The following MAP3K15 variants were observed in gnomAD, a reference collection of about 807,000 sequenced individuals.
MAP3K15 encodes mitogen-activated protein kinase kinase kinase 15.
A neutral mutation model predicts 99.5 loss-of-function variants in MAP3K15; 124 were observed. That is an observed-to-expected ratio of 1.25 (90% CI 1.08 to 1.45). The LOEUF (loss-of-function observed/expected upper bound fraction) is 1.45. Among genes scored for constraint, MAP3K15 ranks in the 40% most tolerant of loss-of-function variants. The pLI, the probability that MAP3K15 is intolerant of heterozygous loss-of-function variation, is 0.00. For missense variants in MAP3K15, 1,242 were observed against 1,079.7 expected, an observed-to-expected ratio of 1.15 and a Z score of -2.11; for synonymous variants, 494 against 439.6, an observed-to-expected ratio of 1.12 and a Z score of -1.55.
rs764801500 is a variant in MAP3K15 at position 19,360,062 on chromosome X, A to AAGAT, written c.*683_*686dup. ...CTGTTCGCGCTGACCATTTCTCTAC[A>AAGAT]AGATACAATATTTATTATCAGGCAA... On this transcript the variant is annotated 3_prime_UTR_variant, in exon 29 of 29. Coordinates refer to ENST00000338883, the MANE Select transcript of MAP3K15 (RefSeq NM_001001671.4). 2.1e-4 allele frequency: 43 copies of AAGAT among 200,680 alleles called. No individual in the cohort carries two copies. Among genetic ancestry groups the AAGAT allele is most frequent in the South Asian group, 1.3e-3 (17 of 13,020 alleles). 16.5% of individuals were successfully genotyped at this position (200,680 alleles called of 1,213,427 possible). A position where few individuals can be genotyped will look rare whatever the true frequency, so the allele number is the denominator to read the frequency against.
chrX:19,418,954 G>A (rs1395206817), intron 9 of MAP3K15, among the ~76,000 whole-genome samples: 1 of 111,436 alleles, frequency 9.0e-6, no homozygotes, highest in Non-Finnish European at 1.9e-5. Flanking sequence ...CATAAGTGAA[G>A]GAGAAATAAA....
Position 19,395,158 on chromosome X carries a change from T to C in MAP3K15, c.2117A>G (p.His706Arg). ...GCCCAGGTACTGAACGATATTGCGGTGCTTAAGGTACTTGTGCAGGGCTAT... is the reference window on the plus strand; with the variant it reads ...GCCCAGGTACTGAACGATATTGCGGCGCTTAAGGTACTTGTGCAGGGCTAT... ...EEIALHKYLK[H>R]RNIVQYLGSV... Residue 706 changes from histidine (H) to arginine (R), a missense_variant, in exon 16 of 29, where the codon CAC becomes CGC. By Grantham distance (29) the His-to-Arg change is conservative. Coordinates refer to ENST00000338883, the MANE Select transcript of MAP3K15 (RefSeq NM_001001671.4). The C allele has an allele frequency of 8.3e-7, 1 of 1,209,056 alleles. No homozygotes were observed. The highest frequency in any genetic ancestry group is 1.1e-6 in the Non-Finnish European group (1 of 893,969).
At chrX:19,480,526 G>A (rs1326887361) in intron 3 of MAP3K15, among the ~76,000 whole-genome samples, 1 of 108,431 alleles carries the variant, frequency 9.2e-6, no homozygotes, top group South Asian at 4.0e-4. Context: ...AAAAAGGGCC[G>A]GGTGCGGGCC....
chrX:19,373,124 G>C (rs1479052571), intron 21 of MAP3K15: 6 of 240,913 alleles, frequency 2.5e-5, no homozygotes, highest in Admixed American at 6.9e-5. Flanking sequence ...GGGAAGGTGA[G>C]GGGGACAGGG....
intron 1 of MAP3K15, among the ~76,000 whole-genome samples, chrX:19,507,575 CAAAAAAAAAAAAAA>C (rs1165492097): frequency 0.01 from 111 of 10,892 alleles, 1 homozygote; most frequent in Middle Eastern, 1. Context: ...CACCTTGTCT[CAAAAAAAAAAAAAA>C]AAAAAAAAAA....
chrX:19,479,748 G>C (rs962372112), intron 3 of MAP3K15, among the ~76,000 whole-genome samples: 1 of 112,107 alleles, frequency 8.9e-6, no homozygotes, highest in Non-Finnish European at 1.9e-5. Flanking sequence ...AGACAGCCTT[G>C]ATCTGTCACC....
rs749609056 is a variant in MAP3K15, at chrX:19,502,576, T to TG, written c.361+12324dup. On this transcript the variant is annotated intron_variant, in intron 1 of 28. Coordinates refer to ENST00000338883, the MANE Select transcript of MAP3K15 (RefSeq NM_001001671.4). ...GCTCACACCTGTAATCCCAACACTT[T>TG]GGGGGGCCATGGCAGGTGGATCACT... Among the ~76,000 whole-genome samples the TG allele has an allele frequency of 3.5e-3, 396 of 111,873 alleles. 5 individuals are homozygous for TG. The highest frequency in any genetic ancestry group is 0.012 in the African/African-American group (373 of 30,776).
intron 6 of MAP3K15, among the ~76,000 whole-genome samples, chrX:19,449,645 C>T (rs762737746): frequency 9.2e-6 from 1 of 108,574 alleles, no homozygotes; most frequent in Non-Finnish European, 1.9e-5. Context: ...ATCAATAGTG[C>T]CAAGGTGAAG....
chrX:19,465,516 C>T (rs1252227625), intron 3 of MAP3K15, among the ~76,000 whole-genome samples: 5 of 105,025 alleles, frequency 4.8e-5, no homozygotes, highest in Non-Finnish European at 9.7e-5. Flanking sequence ...AAGGCAGAGG[C>T]GAGTGGATTA....
intron 19 of MAP3K15, among the ~76,000 whole-genome samples, chrX:19,378,012 C>G (rs1434050678): frequency 8.9e-6 from 1 of 112,214 alleles, no homozygotes; most frequent in Non-Finnish European, 1.9e-5. Flanking sequence ...CCAAGGCACC[C>G]AAGCAGGCAG....
At chrX:19,459,273 CTCA>C (rs1295637425) in intron 5 of MAP3K15, among the ~76,000 whole-genome samples, 1 of 111,986 alleles carries the variant, frequency 8.9e-6, no homozygotes, top group East Asian at 2.8e-4. Flanking sequence ...CCTCAGTTTC[CTCA>C]TGTGTAAAAT....
chrX:19,392,408 T>C lies in MAP3K15; in HGVS notation c.2260A>G (p.Thr754Ala), dbSNP rs2063534182. 2 of 1,210,670 alleles carry C rather than the reference T, an allele frequency of 1.7e-6. No homozygotes were observed. Among genetic ancestry groups the C allele is most frequent in the South Asian group, 1.8e-5 (1 of 56,962 alleles). ...TTAAGGCCCTCCAGGATCTGTTTGGTGTAAAACTTGATTGTCGGTTCCTTC... is the reference window on the plus strand; with the variant it reads ...TTAAGGCCCTCCAGGATCTGTTTGGCGTAAAACTTGATTGTCGGTTCCTTC... ...PMKEPTIKFYTKQILEGLKYL... is the reference protein window; with the variant it reads ...PMKEPTIKFYAKQILEGLKYL... The change falls in exon 17 of 29, where the codon ACC (threonine) becomes GCC (alanine). Residue 754 changes from threonine to alanine, a missense_variant. Physicochemically the swap from Thr to Ala is moderately conservative, Grantham distance 58. Coordinates refer to ENST00000338883, the MANE Select transcript of MAP3K15 (RefSeq NM_001001671.4).
chrX:19,454,977 T>C (rs1013307739), intron 6 of MAP3K15, among the ~76,000 whole-genome samples: 5 of 112,180 alleles, frequency 4.5e-5, no homozygotes, highest in African/African-American at 1.6e-4. Context: ...AGATGCTCAA[T>C]GTGTAATGCA....
intron 3 of MAP3K15, among the ~76,000 whole-genome samples, chrX:19,473,020 AC>A (rs781592194): frequency 1.7e-4 from 19 of 112,003 alleles, no homozygotes; most frequent in Non-Finnish European, 3.2e-4. Context: ...GATGAAGTCT[AC>A]CCCCCAGTCA....
At chrX:19,414,916 A>G (rs550809137) in intron 10 of MAP3K15, among the ~76,000 whole-genome samples, 191 bp downstream of exon 10, 2 of 112,111 alleles carry the variant, frequency 1.8e-5, no homozygotes, top group South Asian at 7.4e-4. Context: ...AATGACTACT[A>G]TAGAGGATAT....
intron 3 of MAP3K15, among the ~76,000 whole-genome samples, chrX:19,481,451 T>C (rs1441794921): frequency 1.8e-5 from 2 of 111,162 alleles, no homozygotes; most frequent in African/African-American, 3.3e-5. Context: ...ATAGGAGTCA[T>C]ACTTCATGAC....
Position 19,514,804 on chromosome X carries a change from G to A in MAP3K15, c.361+97C>T. 3 of 196,052 alleles carry A rather than the reference G, an allele frequency of 1.5e-5. No homozygotes were observed. The South Asian group carries it at 2.8e-4, about 18-fold the overall frequency. 16.2% of individuals were successfully genotyped at this position (196,052 alleles called of 1,213,427 possible). ...GGGGAGGGGAGGGGGACGAGGGGGAGGGGGACGGGGGAGAAGGGCGAGGGG... is the reference window on the plus strand; with the variant it reads ...GGGGAGGGGAGGGGGACGAGGGGGAAGGGGACGGGGGAGAAGGGCGAGGGG... On this transcript the variant is annotated intron_variant, in intron 1 of 28. Coordinates refer to ENST00000338883, the MANE Select transcript of MAP3K15 (RefSeq NM_001001671.4).
chrX:19,361,668 A>G, intron 26 of MAP3K15, 75 bp from the exon 27 acceptor site: 1 of 699,787 alleles, frequency 1.4e-6, no homozygotes, highest in African/African-American at 2.1e-5. Flanking sequence ...GGATTAATAA[A>G]TGATTCCAGA....
intron 2 of MAP3K15, among the ~76,000 whole-genome samples, chrX:19,488,219 A>T (rs961373466): frequency 3.6e-5 from 4 of 112,093 alleles, no homozygotes; most frequent in Non-Finnish European, 5.6e-5. Context: ...AGCATTTTTT[A>T]AAAAAATACT....
Sources: gnomAD v4.1 joint callset for allele counts (sites outside exome capture counted in the v4.1 genomes callset) on GRCh38, gnomAD v4.1.1 for gene constraint, MANE v1.5 for transcripts, NCBI Gene and HGNC (gene_info 2026-07-23, HGNC 2026-07-21) for gene names.